The following TRDMT1 variants were observed in gnomAD, a reference collection of about 807,000 sequenced individuals.
TRDMT1 encodes tRNA (cytosine(38)-C(5))-methyltransferase.
In TRDMT1, 49 loss-of-function variants were observed where a neutral mutation model predicts 51.2. The observed-to-expected ratio is 0.96, with a 90% CI of 0.76 to 1.21. The LOEUF (loss-of-function observed/expected upper bound fraction) is 1.21. Among genes scored for constraint, TRDMT1 ranks in the 50% most tolerant of loss-of-function variants. The pLI is 0.00. For synonymous variants in TRDMT1, 187 were observed against 164.6 expected (o/e 1.14, Z -1.04); for missense variants, 534 against 462.3 (o/e 1.16, Z -1.42).
intron 1 of TRDMT1, among the ~76,000 whole-genome samples, chr10:17,199,193 GCAAA>G (rs1323412442): frequency 2.0e-5 from 3 of 152,132 alleles, no homozygotes; most frequent in African/African-American, 7.2e-5. Context: ...ACATGGGAAG[GCAAA>G]CAAGTGTGGA....
rs955417047 is a variant in TRDMT1 at position 17,153,551 on chromosome 10, G to C, written c.1031C>G (p.Thr344Ser). 9.9e-6 allele frequency: 16 copies of C among 1,613,928 alleles called. No homozygotes were observed. The highest frequency in any genetic ancestry group is 1.6e-4 in the Middle Eastern group (1 of 6,062). Residue 344 changes from threonine (T) to serine (S), a missense_variant, in exon 10 of 11, where the codon ACT becomes AGT. By Grantham distance (58) the Thr-to-Ser change is moderately conservative. Transcript: ENST00000377799. ...KLLILKLRYFTPKEIANLLGF... is the reference protein window; with the variant it reads ...KLLILKLRYFSPKEIANLLGF... ...AAGGAGATTTGCTATTTCTTTAGGA[G>C]TGAAATATCGCAGTTTAAGTATTAA...
chr10:17,164,378 A>G (rs2131453467), intron 3 of TRDMT1, among the ~76,000 whole-genome samples: 1 of 152,352 alleles, frequency 6.6e-6, no homozygotes, highest in African/African-American at 2.4e-5. Flanking sequence ...TCAAAATAAT[A>G]AGAGCTATCT....
chr10:17,165,822 T>C (rs932520559), intron 3 of TRDMT1, among the ~76,000 whole-genome samples: 2 of 152,192 alleles, frequency 1.3e-5, no homozygotes, highest in Admixed American at 6.5e-5. Flanking sequence ...TACAATGAGA[T>C]ACCATCTCAC....
intron 7 of TRDMT1, 121 bp from the exon 8 acceptor site, chr10:17,157,905 G>T: frequency 2.8e-6 from 2 of 721,876 alleles, no homozygotes; most frequent in Admixed American, 3.1e-5. Flanking sequence ...GCCATTAAAA[G>T]ATAGAAATTG....
In TRDMT1 at chr10:17,201,662, G is replaced by T; in HGVS notation, c.-28C>A. The T allele has an allele frequency of 1.3e-6, 2 of 1,533,688 alleles. No homozygotes were observed. The highest frequency in any genetic ancestry group is 1.2e-5 in the South Asian group (1 of 83,328). ...CCGCGCCTCAGCCGCCGCAGCCCCGGAGCTAGGCCTGCCGGTCCGTCGCTC... is the reference window on the plus strand; with the variant it reads ...CCGCGCCTCAGCCGCCGCAGCCCCGTAGCTAGGCCTGCCGGTCCGTCGCTC... On this transcript the variant is annotated 5_prime_UTR_variant, in exon 1 of 11. Transcript: ENST00000377799.
chr10:17,176,521 T>C (rs1842639199), intron 1 of TRDMT1, among the ~76,000 whole-genome samples: 1 of 152,214 alleles, frequency 6.6e-6, no homozygotes, highest in African/African-American at 2.4e-5. Context: ...AAAGAACAGA[T>C]TTTCAAAGCC....
intron 1 of TRDMT1, among the ~76,000 whole-genome samples, chr10:17,183,833 A>G (rs574499664): frequency 2.6e-5 from 4 of 152,358 alleles, no homozygotes; most frequent in African/African-American, 9.6e-5. Context: ...AAAGGAAAGT[A>G]ACAAGGTCAG....
chr10:17,177,270 C>A (rs1842738478), intron 1 of TRDMT1, among the ~76,000 whole-genome samples: 1 of 151,312 alleles, frequency 6.6e-6, no homozygotes, highest in Admixed American at 6.6e-5. Context: ...GATCTCGGCT[C>A]ACTGCAACCT....
intron 10 of TRDMT1, chr10:17,150,256 A>C: frequency 2.3e-5 from 7 of 298,290 alleles, no homozygotes; most frequent in Non-Finnish European, 3.5e-5. Flanking sequence ...TAATGTGCTT[A>C]TTGGCCATTT....
chr10:17,194,015 C>T (rs1845045606), intron 1 of TRDMT1, among the ~76,000 whole-genome samples: 1 of 152,138 alleles, frequency 6.6e-6, no homozygotes, highest in Non-Finnish European at 1.5e-5. Flanking sequence ...CACACACCTA[C>T]AGTCATCTGA....
intron 3 of TRDMT1, among the ~76,000 whole-genome samples, chr10:17,163,111 G>A (rs577476528): frequency 1.6e-4 from 24 of 152,268 alleles, no homozygotes; most frequent in African/African-American, 2.6e-4. Context: ...AAGTAAATAG[G>A]AGAGACTTAA....
chr10:17,181,888 C>G (rs980752174), intron 1 of TRDMT1, among the ~76,000 whole-genome samples: 14 of 152,178 alleles, frequency 9.2e-5, no homozygotes, highest in Non-Finnish European at 1.8e-4. Flanking sequence ...CCCTCCTTTT[C>G]TGGCAATAGT....
intron 3 of TRDMT1, among the ~76,000 whole-genome samples, chr10:17,167,627 T>C (rs1841394215): frequency 6.6e-6 from 1 of 152,198 alleles, no homozygotes; most frequent in African/African-American, 2.4e-5. Flanking sequence ...GCCAAATATA[T>C]ATATACACAC....
chr10:17,160,039 T>C (rs1213351250), intron 6 of TRDMT1, among the ~76,000 whole-genome samples: 2 of 152,102 alleles, frequency 1.3e-5, no homozygotes, highest in Non-Finnish European at 2.9e-5. Flanking sequence ...TTGACGTATT[T>C]TCAAAATATG....
intron 1 of TRDMT1, among the ~76,000 whole-genome samples, chr10:17,175,673 GA>G (rs111303184): frequency 0.017 from 2,167 of 128,756 alleles, 23 homozygotes; most frequent in Non-Finnish European, 0.025. Context: ...ATCAAAAAAG[GA>G]AAAAAAAAAA....
At chr10:17,159,260 T>C in intron 6 of TRDMT1, 31 bp from the exon 7 acceptor site, 5 of 1,519,602 alleles carry the variant, frequency 3.3e-6, no homozygotes, top group Non-Finnish European at 4.5e-6. Context: ...TTAGTTACTC[T>C]AAAAAATTAA....
chr10:17,176,753 C>T (rs1842671244), intron 1 of TRDMT1, among the ~76,000 whole-genome samples: 1 of 152,114 alleles, frequency 6.6e-6, no homozygotes, highest in African/African-American at 2.4e-5. Flanking sequence ...AAAAGCAAAC[C>T]TGTCAATTCT....
At chr10:17,187,171 A>G (rs2131586238) in intron 1 of TRDMT1, among the ~76,000 whole-genome samples, 1 of 152,330 alleles carries the variant, frequency 6.6e-6, no homozygotes, top group South Asian at 2.1e-4. Context: ...ACAAAGAAAA[A>G]TCACTCCATA....
intron 1 of TRDMT1, among the ~76,000 whole-genome samples, chr10:17,182,781 T>C (rs750028570): frequency 2.6e-5 from 4 of 152,196 alleles, no homozygotes; most frequent in African/African-American, 7.2e-5. Context: ...CATCAATTCT[T>C]ACAAAGCTCA....
Sources: gnomAD v4.1 joint callset for allele counts (sites outside exome capture counted in the v4.1 genomes callset) on GRCh38, gnomAD v4.1.1 for gene constraint, MANE v1.5 for transcripts, NCBI Gene and HGNC (gene_info 2026-07-23, HGNC 2026-07-21) for gene names.